COMMD7: variants seen among roughly 807,000 people sequenced by gnomAD.
The protein encoded by COMMD7 is COMM domain containing 7, also known as COMM domain-containing protein 7.
A neutral mutation model predicts 34.8 loss-of-function variants in COMMD7; 28 were observed. The ratio of observed to expected loss-of-function variants is 0.80; its 90% confidence interval spans 0.60 to 1.10. The LOEUF is 1.10. Among genes scored for constraint, COMMD7 ranks in the 50% least tolerant of loss-of-function variants. The pLI, the probability that COMMD7 is intolerant of heterozygous loss-of-function variation, is 0.00. For synonymous variants in COMMD7, 80 were observed against 86.4 expected, an observed-to-expected ratio of 0.93 and a Z score of 0.41; for missense variants, 211 against 241.6, an observed-to-expected ratio of 0.87 and a Z score of 0.84.
At chr20:32,727,824 T>C in intron 3 of COMMD7, 69 bp downstream of exon 3, 1 of 1,287,280 alleles carries the variant, frequency 7.8e-7, no homozygotes, top group Non-Finnish European at 1.1e-6. Context: ...CATGCTTCAA[T>C]GACTCCATGG....
chr20:32,711,416 A>T (rs1413953509), intron 3 of COMMD7, among the ~76,000 whole-genome samples: 3 of 133,252 alleles, frequency 2.3e-5, no homozygotes, highest in Admixed American at 7.6e-5. Context: ...AATGTTACTT[A>T]AAAAAAAAAA....
chr20:32,704,414 T>C, intron 7 of COMMD7, 26 bp downstream of exon 7: 1 of 1,596,276 alleles, frequency 6.3e-7, no homozygotes, highest in Admixed American at 1.8e-5. Context: ...AATCTACCCA[T>C]TTTCAAGGAT....
intron 1 of COMMD7, among the ~76,000 whole-genome samples, chr20:32,740,960 T>C (rs1986407129): frequency 6.6e-6 from 1 of 151,860 alleles, no homozygotes; most frequent in Non-Finnish European, 1.5e-5. Context: ...CTGGCCAACA[T>C]GGTGAAACGC....
rs763173361 is a variant in COMMD7 at position 32,727,954 on chromosome 20, G to C, written c.180C>G (p.Thr60=). The part of the protein sequence containing the change: ...FLAQLSEFAT[T]NQISLGSLRS... ...TGAGGGAGCCAAGACTGATCTGATT[G>C]GTGGTGGCAAATTCAGAGAGCTGAG... The change falls in exon 3 of 9, where the codon ACC becomes ACG. Residue 60 remains threonine (T), a synonymous_variant. Coordinates refer to ENST00000278980, the MANE Select transcript of COMMD7 (RefSeq NM_053041.3). 6.2e-7 allele frequency: 1 copy of C among 1,614,118 alleles called. No homozygotes were observed. Among genetic ancestry groups the C allele is most frequent in the Admixed American group, 1.7e-5 (1 of 59,984 alleles).
chr20:32,719,833 G>C (rs939295730), intron 3 of COMMD7, among the ~76,000 whole-genome samples: 51 of 152,150 alleles, frequency 3.4e-4, no homozygotes, highest in African/African-American at 1.1e-3. Flanking sequence ...ACAGTAACAT[G>C]CCTATAATCC....
rs1985448289 is a variant in COMMD7 at position 32,725,435 on chromosome 20, T to G, written c.241+2458A>C. On this transcript the variant is annotated intron_variant, in intron 3 of 8. Coordinates refer to ENST00000278980, the MANE Select transcript of COMMD7 (RefSeq NM_053041.3). ...TATAGCTCTATACTGTGTTTTGTTT[T>G]TTTTTTTTTTTGAGACGGAGTGTTG... Among the ~76,000 whole-genome samples the G allele has an allele frequency of 2.0e-5, 3 of 148,606 alleles. 1 individual carries two copies. The highest frequency in any genetic ancestry group is 4.9e-5 in the African/African-American group (2 of 40,530).
chr20:32,715,948 A>C (rs888680262), intron 3 of COMMD7, among the ~76,000 whole-genome samples: 1 of 152,244 alleles, frequency 6.6e-6, no homozygotes, highest in Non-Finnish European at 1.5e-5. Context: ...TATTAGCAGC[A>C]GTGTGCTACC....
At chr20:32,722,878 C>T (rs1212626699) in intron 3 of COMMD7, among the ~76,000 whole-genome samples, 3 of 151,176 alleles carry the variant, frequency 2.0e-5, no homozygotes, top group Admixed American at 1.3e-4. Flanking sequence ...AAAAATTAGC[C>T]GGGCGTGGTG....
At chr20:32,716,604 G>C (rs1329346144) in intron 3 of COMMD7, among the ~76,000 whole-genome samples, 1 of 152,082 alleles carries the variant, frequency 6.6e-6, no homozygotes, top group East Asian at 1.9e-4. Flanking sequence ...GACAGAGTGA[G>C]ACTCCGTCTC....
At chr20:32,708,618 A>G (rs1984237861) in intron 3 of COMMD7, among the ~76,000 whole-genome samples, 1 of 150,648 alleles carries the variant, frequency 6.6e-6, no homozygotes, top group African/African-American at 2.4e-5. Context: ...CCAATGCTTT[A>G]TTTGACAATC....
At chr20:32,732,616 A>T (rs1424753545) in intron 1 of COMMD7, among the ~76,000 whole-genome samples, 1 of 151,956 alleles carries the variant, frequency 6.6e-6, no homozygotes, top group Non-Finnish European at 1.5e-5. Flanking sequence ...AATCATAATA[A>T]TACATTTAAA....
intron 3 of COMMD7, among the ~76,000 whole-genome samples, chr20:32,721,276 C>A (rs1985138912): frequency 6.6e-6 from 1 of 151,906 alleles, no homozygotes; most frequent in Non-Finnish European, 1.5e-5. Context: ...TCGCTGGAGA[C>A]CAGCCTGGGC....
At chr20:32,704,149 A>C (rs1983916027) in intron 7 of COMMD7, 78 bp from the exon 8 acceptor site, 1 of 1,235,106 alleles carries the variant, frequency 8.1e-7, no homozygotes, top group Admixed American at 2.3e-5. Context: ...CTTTGACTTA[A>C]TTAAGCTTCC....
chr20:32,735,360 C>A (rs991351530), intron 1 of COMMD7, among the ~76,000 whole-genome samples: 7 of 151,958 alleles, frequency 4.6e-5, no homozygotes, highest in Non-Finnish European at 1.0e-4. Context: ...CTGTGTCACC[C>A]AGGCTGGAGT....
chr20:32,715,533 C>T (rs899991693), intron 3 of COMMD7, among the ~76,000 whole-genome samples: 4 of 151,252 alleles, frequency 2.6e-5, no homozygotes, highest in African/African-American at 9.7e-5. Flanking sequence ...GGCGGCCAGG[C>T]GTGATGGCTC....
intron 3 of COMMD7, among the ~76,000 whole-genome samples, chr20:32,717,066 C>G (rs1397785277): frequency 6.6e-6 from 1 of 152,058 alleles, no homozygotes; most frequent in Admixed American, 6.6e-5. Context: ...CTCCTGACCT[C>G]GTGATCCACA....
At chr20:32,729,890 G>C (rs893429736) in intron 1 of COMMD7, among the ~76,000 whole-genome samples, 2 of 151,896 alleles carry the variant, frequency 1.3e-5, no homozygotes, top group Non-Finnish European at 2.9e-5. Context: ...GCGTGTACTT[G>C]TAATCCCAGC....
intron 3 of COMMD7, among the ~76,000 whole-genome samples, chr20:32,709,818 G>A (rs747421780): frequency 6.6e-6 from 1 of 151,852 alleles, no homozygotes; most frequent in African/African-American, 2.4e-5. Flanking sequence ...GCTTCATTCA[G>A]GGTTCTGCCT....
chr20:32,704,194 C>G (rs1407476540), intron 7 of COMMD7, 123 bp from the exon 8 acceptor site: 12 of 865,012 alleles, frequency 1.4e-5, no homozygotes, highest in Non-Finnish European at 1.9e-5. Flanking sequence ...TCTGGATCAT[C>G]CACCACCGAA....
Sources: allele counts gnomAD v4.1 joint callset (sites outside exome capture counted in the v4.1 genomes callset), GRCh38; gene constraint gnomAD v4.1.1; transcripts MANE v1.5; gene names NCBI Gene and HGNC (gene_info 2026-07-23, HGNC 2026-07-21).